H2AC20: variants seen among roughly 807,000 people sequenced by gnomAD.
H2AC20 encodes the protein H2A clustered histone 20.
H2AC20 carries 7 observed loss-of-function variants against 7.1 expected under a neutral mutation model. The ratio of observed to expected loss-of-function variants is 0.99; its 90% confidence interval spans 0.56 to 1.85. The LOEUF is 1.85. H2AC20 is among the 40% of genes most tolerant of loss of function. The probability of loss-of-function intolerance (pLI) is 0.00; values close to 1 mark genes in which losing one functional copy is unlikely to be tolerated. For synonymous variants in H2AC20, 97 were observed against 82.2 expected, an observed-to-expected ratio of 1.18 and a Z score of -0.98; for missense variants, 127 against 179.6, an observed-to-expected ratio of 0.71 and a Z score of 1.67.
At position 149,887,153 on chromosome 1, in the gene H2AC20, C is replaced by T; in HGVS notation, c.179C>T (p.Thr60Ile). The change falls in exon 1 of 1, where the codon ACC (threonine) becomes ATC (isoleucine). Residue 60 changes from threonine (T) to isoleucine (I), a missense_variant. Transcript: ENST00000331380. ...ATGGCGGCGGTCCTCGAGTACCTGACCGCCGAGATCCTGGAGCTGGCGGGC... is the reference window on the plus strand; with the variant it reads ...ATGGCGGCGGTCCTCGAGTACCTGATCGCCGAGATCCTGGAGCTGGCGGGC... The part of the protein sequence containing the change: ...VYMAAVLEYL[T>I]AEILELAGNA... 6.2e-7 allele frequency: 1 copy of T among 1,614,172 alleles called. No homozygotes were observed. Among genetic ancestry groups the T allele is most frequent in the Non-Finnish European group, 8.5e-7 (1 of 1,180,042 alleles).
In H2AC20 at chr1:149,887,106, G is replaced by A. The variant is rs782500633; in HGVS notation, c.132G>A (p.Val44=). ...GCAAAGGCAACTACGCGGAGCGGGT[G>A]GGGGCCGGCGCGCCCGTCTACATGG... The part of the protein sequence containing the change: ...LLRKGNYAER[V]GAGAPVYMAA... The change falls in exon 1 of 1, where the codon GTG becomes GTA. Residue 44 remains valine (V), a synonymous_variant. Transcript: ENST00000331380. 1 of 1,613,950 alleles carries A rather than the reference G, an allele frequency of 6.2e-7. No homozygotes were observed. The highest frequency in any genetic ancestry group is 8.5e-7 in the Non-Finnish European group (1 of 1,179,912).
In H2AC20 at chr1:149,886,935, A is replaced by C; in HGVS notation, c.-40A>C. 1 of 1,613,498 alleles carries C rather than the reference A, an allele frequency of 6.2e-7. No individual in the cohort carries two copies. The highest frequency in any genetic ancestry group is 8.5e-7 in the Non-Finnish European group (1 of 1,179,734). On this transcript the variant is annotated 5_prime_UTR_variant, in exon 1 of 1. Coordinates refer to ENST00000331380, the MANE Select transcript of H2AC20 (RefSeq NM_003517.3). ...TCTCTTTCAATCTTATTTTGTTGCG[A>C]GGTTCTGAGCGTTGTCTGTGTTTAA... is the stretch of plus-strand genomic sequence containing the variant.
At position 149,887,034 on chromosome 1, in the gene H2AC20, C is replaced by A; in HGVS notation, c.60C>A (p.Ser20=). The A allele has an allele frequency of 6.2e-7, 1 of 1,614,232 alleles. No homozygotes were observed. Among genetic ancestry groups the A allele is most frequent in the East Asian group, 2.2e-5 (1 of 44,892 alleles). Reference sequence around the variant, plus strand: ...GCGCCAAGGCCAAGTCGCGCTCGTCCCGCGCTGGCCTCCAGTTCCCGGTAG... The same window carrying A: ...GCGCCAAGGCCAAGTCGCGCTCGTCACGCGCTGGCCTCCAGTTCCCGGTAG... ...KARAKAKSRS[S]RAGLQFPVGR... The change falls in exon 1 of 1, where the codon TCC becomes TCA. Residue 20 remains serine, a synonymous_variant. Transcript: ENST00000331380.
rs868976438 is a variant in H2AC20, at chr1:149,887,354, A to G, written c.380A>G (p.Lys127Arg). 6.2e-7 allele frequency: 1 copy of G among 1,611,892 alleles called. No homozygotes were observed. The highest frequency in any genetic ancestry group is 1.3e-5 in the African/African-American group (1 of 74,744). ...LPKKTESHKA[K>R]SK Reference sequence around the variant, plus strand: ...AAGAAAACCGAAAGCCACAAAGCCAAAAGCAAATAAATGCAGACAAACAAA... The same window carrying G: ...AAGAAAACCGAAAGCCACAAAGCCAGAAGCAAATAAATGCAGACAAACAAA... The change falls in exon 1 of 1, where the codon AAA becomes AGA. Residue 127 changes from lysine to arginine, a missense_variant. Coordinates refer to ENST00000331380, the MANE Select transcript of H2AC20 (RefSeq NM_003517.3).
At position 149,887,178 on chromosome 1, in the gene H2AC20, C is replaced by G. The variant is rs782327716; in HGVS notation, c.204C>G (p.Gly68=). The change falls in exon 1 of 1, where the codon GGC becomes GGG. Residue 68 remains glycine (G), a synonymous_variant. Transcript: ENST00000331380. ...YLTAEILELA[G]NAARDNKKTR... ...CCGCCGAGATCCTGGAGCTGGCGGG[C>G]AACGCGGCTCGGGACAACAAGAAGA... is the stretch of plus-strand genomic sequence containing the variant. 5 of 1,614,134 alleles carry G rather than the reference C, an allele frequency of 3.1e-6. No individual in the cohort carries two copies. Among genetic ancestry groups the G allele is most frequent in the Non-Finnish European group, 4.2e-6 (5 of 1,180,030 alleles).
Position 149,886,926 on chromosome 1 carries a change from T to C in H2AC20, c.-49T>C, listed in dbSNP as rs1274863485. 3 of 1,613,192 alleles carry C rather than the reference T, an allele frequency of 1.9e-6. No homozygotes were observed. The highest frequency in any genetic ancestry group is 1.3e-5 in the African/African-American group (1 of 74,862). ...CCTCTTGGTTCTCTTTCAATCTTAT[T>C]TTGTTGCGAGGTTCTGAGCGTTGTC... is the stretch of plus-strand genomic sequence containing the variant. On this transcript the variant is annotated 5_prime_UTR_variant, in exon 1 of 1. Transcript: ENST00000331380.
rs193136269 is a variant in H2AC20, at chr1:149,887,382, A to C, written c.*18A>C. On this transcript the variant is annotated 3_prime_UTR_variant, in exon 1 of 1. Transcript: ENST00000331380. ...GCAAATAAATGCAGACAAACAAACC[A>C]AGACCAAAGGCTCTTTTTAGAGCCA... 3.2e-4 allele frequency: 515 copies of C among 1,602,502 alleles called. 2 individuals carry two copies. The African/African-American group carries it at 6.1e-3, about 19-fold the overall frequency.
chr1:149,887,198 A>G lies in H2AC20; in HGVS notation c.224A>G (p.Lys75Arg). 1.2e-6 allele frequency: 2 copies of G among 1,614,118 alleles called. No individual in the cohort carries two copies. The highest frequency in any genetic ancestry group is 1.7e-4 in the Middle Eastern group (1 of 6,054). The change falls in exon 1 of 1, where the codon AAG becomes AGG. Residue 75 changes from lysine (K) to arginine (R), a missense_variant. Lys to Arg is a conservative substitution (Grantham distance 26). Transcript: ENST00000331380. ...GCGGGCAACGCGGCTCGGGACAACAAGAAGACGCGCATCATCCCTCGTCAC... is the reference window on the plus strand; with the variant it reads ...GCGGGCAACGCGGCTCGGGACAACAGGAAGACGCGCATCATCCCTCGTCAC... ...ELAGNAARDN[K>R]KTRIIPRHLQ...
chr1:149,887,410 C>T lies in H2AC20; in HGVS notation c.*46C>T. 1.3e-6 allele frequency: 2 copies of T among 1,572,850 alleles called. No individual in the cohort carries two copies. The highest frequency in any genetic ancestry group is 8.6e-7 in the Non-Finnish European group (1 of 1,163,374). ...ACCAAAGGCTCTTTTTAGAGCCACC[C>T]AAGTTTTCAAAAAAAGAGCTAATGC... is the stretch of plus-strand genomic sequence containing the variant. On this transcript the variant is annotated 3_prime_UTR_variant, in exon 1 of 1. Transcript: ENST00000331380.
rs201558423 is a variant in H2AC20, at chr1:149,887,046, C to T, written c.72C>T (p.Leu24=). 8.1e-5 allele frequency: 130 copies of T among 1,614,028 alleles called. 1 individual carries two copies. The highest frequency in any genetic ancestry group is 9.6e-5 in the Non-Finnish European group (113 of 1,179,988). The change falls in exon 1 of 1, where the codon CTC becomes CTT. Residue 24 remains leucine (L), a synonymous_variant. Transcript: ENST00000331380. ...KAKSRSSRAG[L]QFPVGRVHRL... ...AGTCGCGCTCGTCCCGCGCTGGCCTCCAGTTCCCGGTAGGGCGAGTGCACC... is the reference window on the plus strand; with the variant it reads ...AGTCGCGCTCGTCCCGCGCTGGCCTTCAGTTCCCGGTAGGGCGAGTGCACC...
rs375758565 is a variant in H2AC20 at position 149,887,121 on chromosome 1, C to G, written c.147C>G (p.Pro49=). The change falls in exon 1 of 1, where the codon CCC becomes CCG. Residue 49 remains proline (P), a synonymous_variant. Coordinates refer to ENST00000331380, the MANE Select transcript of H2AC20 (RefSeq NM_003517.3). ...NYAERVGAGA[P]VYMAAVLEYL... is the part of the protein sequence containing the mutation. ...CGGAGCGGGTGGGGGCCGGCGCGCC[C>G]GTCTACATGGCGGCGGTCCTCGAGT... The G allele has an allele frequency of 9.9e-6, 16 of 1,614,110 alleles. No individual in the cohort carries two copies. Among genetic ancestry groups the G allele is most frequent in the Admixed American group, 1.7e-5 (1 of 60,016 alleles).
chr1:149,887,286 C>T lies in H2AC20; in HGVS notation c.312C>T (p.Ala104=). The part of the protein sequence containing the change: ...LNKLLGKVTI[A]QGGVLPNIQA... ...AGCTGCTGGGCAAAGTCACCATCGC[C>T]CAGGGCGGCGTTTTGCCTAACATCC... Residue 104 remains alanine (A), a synonymous_variant, in exon 1 of 1, where the codon GCC becomes GCT. Coordinates refer to ENST00000331380, the MANE Select transcript of H2AC20 (RefSeq NM_003517.3). The T allele has an allele frequency of 6.2e-7, 1 of 1,614,234 alleles. No homozygotes were observed. Among genetic ancestry groups the T allele is most frequent in the Non-Finnish European group, 8.5e-7 (1 of 1,180,038 alleles).
Position 149,887,390 on chromosome 1 carries a change from A to G in H2AC20, c.*26A>G. Reference sequence around the variant, plus strand: ...ATGCAGACAAACAAACCAAGACCAAAGGCTCTTTTTAGAGCCACCCAAGTT... The same window carrying G: ...ATGCAGACAAACAAACCAAGACCAAGGGCTCTTTTTAGAGCCACCCAAGTT... On this transcript the variant is annotated 3_prime_UTR_variant, in exon 1 of 1. Transcript: ENST00000331380. 1 of 1,595,592 alleles carries G rather than the reference A, an allele frequency of 6.3e-7. No homozygotes were observed. The highest frequency in any genetic ancestry group is 8.5e-7 in the Non-Finnish European group (1 of 1,171,688).
Position 149,887,385 on chromosome 1 carries a change from A to C in H2AC20, c.*21A>C, listed in dbSNP as rs369063265. On this transcript the variant is annotated 3_prime_UTR_variant, in exon 1 of 1. Transcript: ENST00000331380. Reference sequence around the variant, plus strand: ...AATAAATGCAGACAAACAAACCAAGACCAAAGGCTCTTTTTAGAGCCACCC... The same window carrying C: ...AATAAATGCAGACAAACAAACCAAGCCCAAAGGCTCTTTTTAGAGCCACCC... 10 of 1,597,518 alleles carry C rather than the reference A, an allele frequency of 6.3e-6. No individual in the cohort carries two copies. The Admixed American group carries it at 8.9e-5, about 14-fold the overall frequency.
chr1:149,887,386 C>T lies in H2AC20; in HGVS notation c.*22C>T, dbSNP rs782092016. 6.3e-7 allele frequency: 1 copy of T among 1,596,760 alleles called. No individual in the cohort carries two copies. The highest frequency in any genetic ancestry group is 8.5e-7 in the Non-Finnish European group (1 of 1,172,406). On this transcript the variant is annotated 3_prime_UTR_variant, in exon 1 of 1. Coordinates refer to ENST00000331380, the MANE Select transcript of H2AC20 (RefSeq NM_003517.3). ...ATAAATGCAGACAAACAAACCAAGACCAAAGGCTCTTTTTAGAGCCACCCA... is the reference window on the plus strand; with the variant it reads ...ATAAATGCAGACAAACAAACCAAGATCAAAGGCTCTTTTTAGAGCCACCCA...
At position 149,887,259 on chromosome 1, in the gene H2AC20, C is replaced by T. The variant is rs369845741; in HGVS notation, c.285C>T (p.Asn95=). 7.4e-6 allele frequency: 12 copies of T among 1,614,130 alleles called. No individual in the cohort carries two copies. The highest frequency in any genetic ancestry group is 1.3e-5 in the African/African-American group (1 of 74,956). The change falls in exon 1 of 1, where the codon AAC becomes AAT. Residue 95 remains asparagine (N), a synonymous_variant. Coordinates refer to ENST00000331380, the MANE Select transcript of H2AC20 (RefSeq NM_003517.3). The part of the protein sequence containing the change: ...QLAIRNDEEL[N]KLLGKVTIAQ... ...CCATCCGCAACGACGAGGAACTGAA[C>T]AAGCTGCTGGGCAAAGTCACCATCG...
At position 149,887,360 on chromosome 1, in the gene H2AC20, A is replaced by C; in HGVS notation, c.386A>C (p.Lys129Thr). ...KKTESHKAKS[K>T] is the part of the protein sequence containing the mutation. ...ACCGAAAGCCACAAAGCCAAAAGCAAATAAATGCAGACAAACAAACCAAGA... is the reference window on the plus strand; with the variant it reads ...ACCGAAAGCCACAAAGCCAAAAGCACATAAATGCAGACAAACAAACCAAGA... The change falls in exon 1 of 1, where the codon AAA becomes ACA. Residue 129 changes from lysine (K) to threonine (T), a missense_variant. Physicochemically the swap from Lys to Thr is moderately conservative, Grantham distance 78. Transcript: ENST00000331380. The C allele has an allele frequency of 1.2e-6, 2 of 1,611,706 alleles. No individual in the cohort carries two copies. Among genetic ancestry groups the C allele is most frequent in the Non-Finnish European group, 1.7e-6 (2 of 1,178,744 alleles).
chr1:149,887,196 C>G lies in H2AC20; in HGVS notation c.222C>G (p.Asn74Lys). 4 of 1,614,160 alleles carry G rather than the reference C, an allele frequency of 2.5e-6. No homozygotes were observed. Among genetic ancestry groups the G allele is most frequent in the East Asian group, 2.2e-5 (1 of 44,856 alleles). ...LELAGNAARDNKKTRIIPRHL... is the reference protein window; with the variant it reads ...LELAGNAARDKKKTRIIPRHL... ...TGGCGGGCAACGCGGCTCGGGACAA[C>G]AAGAAGACGCGCATCATCCCTCGTC... The change falls in exon 1 of 1, where the codon AAC becomes AAG. Residue 74 changes from asparagine to lysine, a missense_variant. Physicochemically the swap from Asn to Lys is moderately conservative, Grantham distance 94 (BLOSUM62 0). Coordinates refer to ENST00000331380, the MANE Select transcript of H2AC20 (RefSeq NM_003517.3).
Position 149,887,395 on chromosome 1 carries a change from CTTTTTAGAG to C in H2AC20, c.*32_*40del. 1 of 1,585,810 alleles carries C rather than the reference CTTTTTAGAG, an allele frequency of 6.3e-7. No homozygotes were observed. Among genetic ancestry groups the C allele is most frequent in the Non-Finnish European group, 8.6e-7 (1 of 1,168,488 alleles). ...GACAAACAAACCAAGACCAAAGGCT[CTTTTTAGAG>C]CCACCCAAGTTTTCAAAAAAAGAGC... On this transcript the variant is annotated 3_prime_UTR_variant, in exon 1 of 1. Coordinates refer to ENST00000331380, the MANE Select transcript of H2AC20 (RefSeq NM_003517.3).
Sources: allele counts gnomAD v4.1 joint callset, GRCh38; gene constraint gnomAD v4.1.1; transcripts MANE v1.5; gene names NCBI Gene and HGNC (gene_info 2026-07-23, HGNC 2026-07-21).